MECOM: variants seen among roughly 807,000 people sequenced by gnomAD.
The protein encoded by MECOM is MDS1 and EVI1 complex locus.
MECOM carries 13 observed loss-of-function variants against 116.3 expected under a neutral mutation model. The observed-to-expected ratio is 0.11, with a 90% CI of 0.07 to 0.18. The LOEUF (loss-of-function observed/expected upper bound fraction) is 0.18, where lower values mean the gene tolerates loss of function less well. Ranked by LOEUF, MECOM falls within the 10% of genes least tolerant of loss-of-function variation. The pLI, the probability that MECOM is intolerant of heterozygous loss-of-function variation, is 1.00. For synonymous variants in MECOM, 528 were observed against 535.2 expected, an observed-to-expected ratio of 0.99 and a Z score of 0.19; for missense variants, 1,299 against 1,509.0, an observed-to-expected ratio of 0.86 and a Z score of 2.31.
At chr3:169,110,962 T>C (rs1026071419) in intron 9 of MECOM, among the ~76,000 whole-genome samples, 1 of 152,188 alleles carries the variant, frequency 6.6e-6, no homozygotes, top group Non-Finnish European at 1.5e-5. Flanking sequence ...ACTTTGGGAA[T>C]GTTAAAATAT....
chr3:169,276,641 T>C (rs1759618724), intron 2 of MECOM, among the ~76,000 whole-genome samples: 2 of 151,230 alleles, frequency 1.3e-5, no homozygotes, highest in Non-Finnish European at 2.9e-5. Flanking sequence ...CTGCTCCCTC[T>C]CCTCAAAGGC....
rs868796581 is a variant in MECOM, at chr3:169,283,088, T to G, written c.375+98099A>C. On this transcript the variant is annotated intron_variant, in intron 2 of 16. Transcript: ENST00000651503. Reference sequence around the variant, plus strand: ...TGCTCAGGATCAGAGATTCAACCTATTTTCTCTATCTCTCTCTAGTAACTT... The same window carrying G: ...TGCTCAGGATCAGAGATTCAACCTAGTTTCTCTATCTCTCTCTAGTAACTT... 7.2e-5 allele frequency among the ~76,000 whole-genome samples: 11 copies of G among 152,320 alleles called. No individual in the cohort carries two copies. In the South Asian group the frequency reaches 1.7e-3, roughly 23 times the overall value.
chr3:169,202,770 A>G (rs1221231365), intron 2 of MECOM, among the ~76,000 whole-genome samples: 1 of 150,764 alleles, frequency 6.6e-6, no homozygotes, highest in Non-Finnish European at 1.5e-5. Context: ...TCTTGCTCCC[A>G]AAAGTTCTTT....
chr3:169,153,548 A>G (rs1184621973), intron 2 of MECOM, among the ~76,000 whole-genome samples: 1 of 152,180 alleles, frequency 6.6e-6, no homozygotes, highest in Non-Finnish European at 1.5e-5. Flanking sequence ...TATTTTATTA[A>G]TTTTAATTAA....
intron 1 of MECOM, among the ~76,000 whole-genome samples, chr3:169,630,975 T>A (rs141618856): frequency 1.2e-3 from 190 of 152,312 alleles, no homozygotes; most frequent in African/African-American, 4.4e-3. Context: ...GAAGCCTCCA[T>A]CCCCATGTAG....
intron 2 of MECOM, among the ~76,000 whole-genome samples, chr3:169,357,099 G>C (rs1224660979): frequency 6.6e-6 from 1 of 151,754 alleles, no homozygotes; most frequent in South Asian, 2.1e-4. Context: ...TGGTTAAGAG[G>C]CTTTCATAAA....
intron 1 of MECOM, among the ~76,000 whole-genome samples, chr3:169,560,108 T>A (rs767387027): frequency 6.6e-6 from 1 of 152,208 alleles, no homozygotes; most frequent in East Asian, 1.9e-4. Context: ...TTTACTTGTA[T>A]AACCAATTTC....
At position 169,420,924 on chromosome 3, in the gene MECOM, A is replaced by G. The variant is rs565759773; in HGVS notation, c.38-39400T>C. Among the ~76,000 whole-genome samples the G allele has an allele frequency of 2.6e-5, 4 of 152,256 alleles. No individual in the cohort carries two copies. In the South Asian group the frequency reaches 8.3e-4, roughly 32 times the overall value. ...TTTCATCAATATTCCATTGAACACAATTTTATGTAGGGTGTGTTTTCATCT... is the reference window on the plus strand; with the variant it reads ...TTTCATCAATATTCCATTGAACACAGTTTTATGTAGGGTGTGTTTTCATCT... On this transcript the variant is annotated intron_variant, in intron 1 of 16. Coordinates refer to ENST00000651503, the MANE Select transcript of MECOM (RefSeq NM_004991.4).
At chr3:169,386,616 C>A (rs936351750) in intron 1 of MECOM, among the ~76,000 whole-genome samples, 6 of 152,088 alleles carry the variant, frequency 3.9e-5, no homozygotes, top group Non-Finnish European at 8.8e-5. Flanking sequence ...TTATAGGAAT[C>A]CACAACAGCT....
intron 5 of MECOM, among the ~76,000 whole-genome samples, chr3:169,123,692 A>T (rs1224955488): frequency 6.6e-6 from 1 of 152,098 alleles, no homozygotes. Context: ...TTCAAATCTG[A>T]ACTATGAAAT....
At chr3:169,624,636 C>A (rs1771135552) in intron 1 of MECOM, among the ~76,000 whole-genome samples, 1 of 152,192 alleles carries the variant, frequency 6.6e-6, no homozygotes, top group Admixed American at 6.5e-5. Flanking sequence ...CTGAAAAACA[C>A]TCCCACTCAA....
intron 1 of MECOM, among the ~76,000 whole-genome samples, chr3:169,540,859 T>G (rs1453595163): frequency 6.6e-6 from 1 of 152,100 alleles, no homozygotes; most frequent in East Asian, 1.9e-4. Context: ...AAATGTAACC[T>G]CCATGAAGCC....
At chr3:169,650,103 G>A (rs1297429599) in intron 1 of MECOM, among the ~76,000 whole-genome samples, 12 of 152,152 alleles carry the variant, frequency 7.9e-5, no homozygotes, top group Non-Finnish European at 1.5e-5. Flanking sequence ...ATCAAAAACT[G>A]GAATTTTGCA....
intron 1 of MECOM, among the ~76,000 whole-genome samples, chr3:169,420,311 C>T (rs1739486687): frequency 6.6e-6 from 1 of 152,088 alleles, no homozygotes; most frequent in South Asian, 2.1e-4. Context: ...CTCTGACCTG[C>T]AAAGCATGGA....
At chr3:169,399,361 AG>A (rs79568443) in intron 1 of MECOM, among the ~76,000 whole-genome samples, 3,957 of 152,312 alleles carry the variant, frequency 0.026, 121 homozygotes, top group African/African-American at 0.071. Context: ...CATTTACAAA[AG>A]TCATTGCCAC....
At chr3:169,137,725 C>A (rs551960102) in intron 3 of MECOM, among the ~76,000 whole-genome samples, 1 of 152,162 alleles carries the variant, frequency 6.6e-6, no homozygotes, top group African/African-American at 2.4e-5. Context: ...ACATCTTTAT[C>A]TCTTTGTCAG....
chr3:169,142,994 G>A (rs1157365841), intron 3 of MECOM, among the ~76,000 whole-genome samples: 5 of 151,736 alleles, frequency 3.3e-5, no homozygotes, highest in Non-Finnish European at 7.4e-5. Flanking sequence ...GTTATTTTAG[G>A]TATTGTCATA....
At chr3:169,477,101 G>GTA (rs1560326556) in intron 1 of MECOM, 11 of 51,618 alleles carry the variant, frequency 2.1e-4, no homozygotes, top group African/African-American at 4.2e-4. Context: ...GTGTGTGTGT[G>GTA]TGTGTATATA....
intron 15 of MECOM, 46 bp downstream of exon 15, chr3:169,089,954 A>G (rs369006017): frequency 3.2e-6 from 5 of 1,572,664 alleles, no homozygotes; most frequent in Non-Finnish European, 4.3e-6. Context: ...GCAACCGTAC[A>G]TGGATCTACT....
Sources: gnomAD v4.1 joint callset for allele counts (sites outside exome capture counted in the v4.1 genomes callset) on GRCh38, gnomAD v4.1.1 for gene constraint, MANE v1.5 for transcripts, NCBI Gene and HGNC (gene_info 2026-07-23, HGNC 2026-07-21) for gene names.